The following GABRG3 variants were observed in gnomAD, a reference collection of about 807,000 sequenced individuals.
GABRG3 encodes gamma-aminobutyric acid receptor subunit gamma-3.
Under a neutral mutation model 48.8 loss-of-function variants are expected in GABRG3, and 25 were observed. That is an observed-to-expected ratio of 0.51 (90% CI 0.37 to 0.72). GABRG3 has a LOEUF of 0.72. Among genes scored for constraint, GABRG3 ranks in the 30% least tolerant of loss-of-function variants. The pLI, the probability that GABRG3 is intolerant of heterozygous loss-of-function variation, is 0.00. For synonymous variants in GABRG3, 227 were observed against 217.6 expected, an observed-to-expected ratio of 1.04 and a Z score of -0.38; for missense variants, 394 against 577.9, an observed-to-expected ratio of 0.68 and a Z score of 3.26.
At chr15:27,092,325 T>A (rs759128769) in intron 3 of GABRG3, among the ~76,000 whole-genome samples, 3 of 152,232 alleles carry the variant, frequency 2.0e-5, no homozygotes, top group Non-Finnish European at 4.4e-5. Flanking sequence ...TTTGTGTGTG[T>A]GCATTTCCAA....
chr15:27,053,143 A>G (rs192273965), intron 3 of GABRG3, among the ~76,000 whole-genome samples: 2 of 152,340 alleles, frequency 1.3e-5, no homozygotes, highest in East Asian at 1.9e-4. Context: ...CAATTGCAAC[A>G]AAAACAAAAA....
At chr15:27,214,121 AACTT>A (rs1889162488) in intron 3 of GABRG3, among the ~76,000 whole-genome samples, 2 of 152,212 alleles carry the variant, frequency 1.3e-5, no homozygotes, top group African/African-American at 4.8e-5. Flanking sequence ...TCTCGGAGCC[AACTT>A]ACCTCTGATG....
intron 3 of GABRG3, among the ~76,000 whole-genome samples, chr15:27,043,096 T>C (rs1338906506): frequency 1.3e-5 from 2 of 152,154 alleles, no homozygotes; most frequent in East Asian, 1.9e-4. Flanking sequence ...TGGAATCTCT[T>C]CCCCCCACCC....
intron 3 of GABRG3, among the ~76,000 whole-genome samples, chr15:27,257,583 C>A (rs986094199): frequency 6.6e-6 from 1 of 152,130 alleles, no homozygotes; most frequent in African/African-American, 2.4e-5. Flanking sequence ...TAGTTTTATT[C>A]TTTGCATGGG....
At chr15:27,206,865 G>A (rs1484127811) in intron 3 of GABRG3, among the ~76,000 whole-genome samples, 1 of 152,210 alleles carries the variant, frequency 6.6e-6, no homozygotes, top group Non-Finnish European at 1.5e-5. Flanking sequence ...AATAAGAATA[G>A]CAACCGGTGC....
At chr15:27,294,734 T>G (rs1891920629) in intron 3 of GABRG3, 1 of 152,174 alleles carries the variant, frequency 6.6e-6, no homozygotes, top group South Asian at 2.1e-4. Flanking sequence ...CAGGTCATTC[T>G]GAGAATCACG....
At chr15:26,985,410 A>G (rs796144409) in intron 2 of GABRG3, among the ~76,000 whole-genome samples, 13 of 152,376 alleles carry the variant, frequency 8.5e-5, no homozygotes, top group African/African-American at 2.6e-4. Context: ...CAAATAGGTC[A>G]GGAGTTAGTT....
At chr15:27,350,157 A>T (rs375061312) in intron 5 of GABRG3, 1 of 455,954 alleles carries the variant, frequency 2.2e-6, no homozygotes, top group South Asian at 1.5e-5. Context: ...TTGTCTCTTC[A>T]TGCATATCGC....
intron 3 of GABRG3, among the ~76,000 whole-genome samples, chr15:27,153,501 G>T (rs1171741498): frequency 6.6e-6 from 1 of 151,996 alleles, no homozygotes; most frequent in Non-Finnish European, 1.5e-5. Context: ...TAGAATAATT[G>T]TAGCTCTATA....
intron 3 of GABRG3, among the ~76,000 whole-genome samples, chr15:27,120,637 G>A (rs560711559): frequency 6.6e-6 from 1 of 152,102 alleles, no homozygotes; most frequent in African/African-American, 2.4e-5. Flanking sequence ...TTGTCTATAG[G>A]CGCTCCTGGA....
At chr15:27,110,446 T>A (rs1168406474) in intron 3 of GABRG3, among the ~76,000 whole-genome samples, 2 of 152,140 alleles carry the variant, frequency 1.3e-5, no homozygotes, top group African/African-American at 4.8e-5. Flanking sequence ...TTATTTTACC[T>A]CCACTTATTG....
At chr15:27,082,660 C>T (rs766213311) in intron 3 of GABRG3, among the ~76,000 whole-genome samples, 2 of 152,096 alleles carry the variant, frequency 1.3e-5, no homozygotes, top group South Asian at 2.1e-4. Context: ...AGTTGCAGAA[C>T]GTGATTGATG....
At chr15:27,006,202 T>TTTTG (rs1381759449) in intron 2 of GABRG3, among the ~76,000 whole-genome samples, 2 of 152,214 alleles carry the variant, frequency 1.3e-5, no homozygotes, top group Admixed American at 6.5e-5. Context: ...TTCCAACTTT[T>TTTTG]TTTGTTTGTT....
At chr15:27,198,678 T>C (rs1350448128) in intron 3 of GABRG3, among the ~76,000 whole-genome samples, 1 of 152,198 alleles carries the variant, frequency 6.6e-6, no homozygotes, top group Non-Finnish European at 1.5e-5. Context: ...ATAATTCTGC[T>C]ATAAAGATAC....
At chr15:27,327,102 G>A (rs1015530668) in intron 4 of GABRG3, 73 bp downstream of exon 4, 2 of 1,297,402 alleles carry the variant, frequency 1.5e-6, no homozygotes, top group South Asian at 2.6e-5. Flanking sequence ...CTGTAGGAAT[G>A]AGACCCTATT....
At chr15:27,074,486 T>C (rs74006572) in intron 3 of GABRG3, among the ~76,000 whole-genome samples, 8,195 of 151,602 alleles carry the variant, frequency 0.054, 787 homozygotes, top group African/African-American at 0.19. Context: ...AAGCTTGGCT[T>C]GGCTGGGCCC....
intron 5 of GABRG3, among the ~76,000 whole-genome samples, chr15:27,414,972 A>G (rs909639072): frequency 2.0e-5 from 3 of 151,708 alleles, no homozygotes; most frequent in African/African-American, 2.4e-5. Context: ...TGAAATTTTT[A>G]TTTTCGGCAT....
At chr15:27,050,698 A>G (rs1421602064) in intron 3 of GABRG3, among the ~76,000 whole-genome samples, 2 of 152,112 alleles carry the variant, frequency 1.3e-5, no homozygotes, top group Non-Finnish European at 2.9e-5. Context: ...GTGGATGACA[A>G]TAAGTTATTT....
At chr15:27,182,742 G>A (rs1358884618) in intron 3 of GABRG3, among the ~76,000 whole-genome samples, 6 of 152,154 alleles carry the variant, frequency 3.9e-5, no homozygotes, top group Admixed American at 3.9e-4. Flanking sequence ...CTGTGCGCTC[G>A]CTGAATTTGC....
Sources: gnomAD v4.1 joint callset for allele counts (sites outside exome capture counted in the v4.1 genomes callset) on GRCh38, gnomAD v4.1.1 for gene constraint, MANE v1.5 for transcripts, NCBI Gene and HGNC (gene_info 2026-07-23, HGNC 2026-07-21) for gene names.